Variants in TMEM132D observed in about 807,000 individuals in gnomAD.
TMEM132D encodes mature OL transmembrane protein.
A neutral mutation model predicts 62.3 loss-of-function variants in TMEM132D; 21 were observed. The ratio of observed to expected loss-of-function variants is 0.34; its 90% CI spans 0.24 to 0.49. The LOEUF is 0.49. TMEM132D is among the 20% of genes least tolerant of loss of function. The pLI is 0.99. For missense variants in TMEM132D, 1,346 were observed against 1,402.8 expected (o/e 0.96, Z 0.65); for synonymous variants, 621 against 575.6 (o/e 1.08, Z -1.13).
intron 1 of TMEM132D, among the ~76,000 whole-genome samples, chr12:129,848,029 T>C (rs1469892431): frequency 2.0e-5 from 3 of 152,092 alleles, no homozygotes; most frequent in Non-Finnish European, 4.4e-5. Context: ...AAGCACTTTA[T>C]GTAAGTTGTG....
intron 3 of TMEM132D, among the ~76,000 whole-genome samples, chr12:129,520,172 G>T (rs1250792917): frequency 6.6e-6 from 1 of 152,090 alleles, no homozygotes; most frequent in African/African-American, 2.4e-5. Flanking sequence ...TAATCTTAGG[G>T]CCTCCCAACT....
At chr12:129,254,704 C>T (rs999330772) in intron 4 of TMEM132D, among the ~76,000 whole-genome samples, 2 of 152,174 alleles carry the variant, frequency 1.3e-5, no homozygotes, top group Non-Finnish European at 2.9e-5. Flanking sequence ...TGACCACATC[C>T]AGCACAGGCA....
chr12:129,089,798 G>A (rs1323757834), intron 5 of TMEM132D, among the ~76,000 whole-genome samples: 1 of 152,244 alleles, frequency 6.6e-6, no homozygotes, highest in African/African-American at 2.4e-5. Context: ...ACCAGAGCCC[G>A]GAGATAGAAC....
intron 2 of TMEM132D, among the ~76,000 whole-genome samples, chr12:129,677,442 G>A (rs1411207686): frequency 6.6e-6 from 1 of 152,112 alleles, no homozygotes; most frequent in African/African-American, 2.4e-5. Context: ...CTAGTCTCAG[G>A]TACAACTTTA....
intron 4 of TMEM132D, among the ~76,000 whole-genome samples, chr12:129,275,771 G>C (rs1020458903): frequency 6.6e-6 from 1 of 152,220 alleles, no homozygotes; most frequent in African/African-American, 2.4e-5. Flanking sequence ...GCACCATCTA[G>C]AGGTGTCCCA....
At chr12:129,414,786 T>A (rs1353620681) in intron 3 of TMEM132D, among the ~76,000 whole-genome samples, 1 of 152,214 alleles carries the variant, frequency 6.6e-6, no homozygotes, top group Non-Finnish European at 1.5e-5. Flanking sequence ...TGCTGGACAC[T>A]TTGACGAGCA....
Position 129,744,809 on chromosome 12 carries a change from C to A in TMEM132D, c.80-44111G>T, listed in dbSNP as rs938784870. Among the ~76,000 whole-genome samples the A allele has an allele frequency of 3.9e-5, 6 of 152,238 alleles. No individual in the cohort carries two copies. The Middle Eastern group carries it at 0.01, about 259-fold the overall frequency. On this transcript the variant is annotated intron_variant, in intron 1 of 8. Coordinates refer to ENST00000422113, the MANE Select transcript of TMEM132D (RefSeq NM_133448.3). ...TGCTAGGGGAAAGCATGCAATGACA[C>A]AAAGGCAAGGAAATTATTAATATAT...
intron 5 of TMEM132D, among the ~76,000 whole-genome samples, chr12:129,086,201 C>CGTGT (rs1218792744): frequency 0.08 from 11,285 of 140,926 alleles, 447 homozygotes; most frequent in East Asian, 0.19. Flanking sequence ...CACGCGCGCG[C>CGTGT]GTGTGTGTGT....
In TMEM132D at chr12:129,285,717, T is replaced by C. The variant is rs544722948; in HGVS notation, c.1299+51917A>G. ...TCTATTTTGATATAGCACAGCCATT[T>C]ACATTTAAATCAAGCTGCCTAAAAT... On this transcript the variant is annotated intron_variant, in intron 4 of 8. Coordinates refer to ENST00000422113, the MANE Select transcript of TMEM132D (RefSeq NM_133448.3). Among the ~76,000 whole-genome samples, 13 of 152,298 alleles carry C rather than the reference T, an allele frequency of 8.5e-5. No individual in the cohort carries two copies. In the East Asian group the frequency reaches 2.3e-3, roughly 27 times the overall value.
chr12:129,135,054 T>C (rs1265971865), intron 5 of TMEM132D, among the ~76,000 whole-genome samples: 1 of 152,144 alleles, frequency 6.6e-6, no homozygotes, highest in Non-Finnish European at 1.5e-5. Flanking sequence ...TCAATGGAAT[T>C]GCGTGTGGTC....
intron 2 of TMEM132D, among the ~76,000 whole-genome samples, chr12:129,537,244 G>GA (rs1220503224): frequency 6.6e-6 from 1 of 151,216 alleles, no homozygotes; most frequent in Admixed American, 6.6e-5. Context: ...TTGGACTATT[G>GA]AAATAATGTG....
chr12:129,589,113 A>G (rs1878120239), intron 2 of TMEM132D, among the ~76,000 whole-genome samples: 1 of 152,064 alleles, frequency 6.6e-6, no homozygotes, highest in African/African-American at 2.4e-5. Flanking sequence ...TCCCCACTCA[A>G]ATCTCATCTT....
At chr12:129,678,336 T>C (rs1880691061) in intron 2 of TMEM132D, among the ~76,000 whole-genome samples, 2 of 152,220 alleles carry the variant, frequency 1.3e-5, no homozygotes, top group Non-Finnish European at 2.9e-5. Context: ...TGCTTAATTT[T>C]GGCAATATGG....
intron 3 of TMEM132D, among the ~76,000 whole-genome samples, chr12:129,437,812 C>A (rs1872827719): frequency 6.6e-6 from 1 of 150,744 alleles, no homozygotes; most frequent in Non-Finnish European, 1.5e-5. Context: ...CATAGGTATA[C>A]TTGTGCCATG....
intron 1 of TMEM132D, among the ~76,000 whole-genome samples, chr12:129,861,249 G>T (rs1313677700): frequency 1.3e-5 from 2 of 152,194 alleles, no homozygotes; most frequent in African/African-American, 4.8e-5. Flanking sequence ...GAAACATAGA[G>T]GATGTGATCT....
chr12:129,099,718 A>C (rs1057413656), intron 5 of TMEM132D, among the ~76,000 whole-genome samples: 7 of 152,286 alleles, frequency 4.6e-5, no homozygotes, highest in African/African-American at 1.7e-4. Flanking sequence ...ACCTTCTTCC[A>C]TGTTCAGTCC....
chr12:129,520,703 C>T (rs188326194), intron 3 of TMEM132D, among the ~76,000 whole-genome samples: 47 of 152,260 alleles, frequency 3.1e-4, no homozygotes, highest in Admixed American at 1.5e-3. Context: ...GATCAAGGCA[C>T]GCCACGATTA....
At chr12:129,429,769 G>T (rs1260855211) in intron 3 of TMEM132D, among the ~76,000 whole-genome samples, 1 of 131,048 alleles carries the variant, frequency 7.6e-6, no homozygotes, top group East Asian at 2.3e-4. Context: ...GGTGTGTGAT[G>T]TTCCCCTCCC....
At chr12:129,400,013 A>G (rs1313945225) in intron 3 of TMEM132D, among the ~76,000 whole-genome samples, 4 of 152,138 alleles carry the variant, frequency 2.6e-5, no homozygotes, top group African/African-American at 9.7e-5. Flanking sequence ...ATGATAGATC[A>G]TTATGCAAAA....
Sources: gnomAD v4.1 joint callset for allele counts (sites outside exome capture counted in the v4.1 genomes callset) on GRCh38, gnomAD v4.1.1 for gene constraint, MANE v1.5 for transcripts, NCBI Gene and HGNC (gene_info 2026-07-23, HGNC 2026-07-21) for gene names.